Variants in NRXN1 observed in about 807,000 individuals in gnomAD.
NRXN1 encodes neurexin-1.
Under a neutral mutation model 150.9 loss-of-function variants are expected in NRXN1, and 39 were observed. The ratio of observed to expected loss-of-function variants is 0.26; its 90% CI spans 0.20 to 0.34. The LOEUF (loss-of-function observed/expected upper bound fraction) is 0.34. NRXN1 is among the 10% of genes least tolerant of loss of function. The pLI is 1.00. For synonymous variants in NRXN1, 924 were observed against 757.0 expected (o/e 1.22, Z -3.62); for missense variants, 1,815 against 1,949.9 (o/e 0.93, Z 1.30).
intron 18 of NRXN1, among the ~76,000 whole-genome samples, chr2:50,095,637 G>A (rs1700111684): frequency 6.6e-6 from 1 of 152,026 alleles, no homozygotes; most frequent in Non-Finnish European, 1.5e-5. Flanking sequence ...TCTGCAATAT[G>A]AAATGCAAAA....
chr2:50,680,427 G>A (rs1267785941), intron 5 of NRXN1, among the ~76,000 whole-genome samples: 2 of 152,012 alleles, frequency 1.3e-5, no homozygotes, highest in East Asian at 3.9e-4. Flanking sequence ...TAGCAAGCAA[G>A]CTTTTGCTTT....
At chr2:50,622,779 T>A (rs1680266313) in intron 6 of NRXN1, among the ~76,000 whole-genome samples, 1 of 152,134 alleles carries the variant, frequency 6.6e-6, no homozygotes, top group Non-Finnish European at 1.5e-5. Flanking sequence ...AATAAAAGTA[T>A]CTTCAAAAAC....
At chr2:50,540,917 C>T (rs1217801522) in intron 9 of NRXN1, among the ~76,000 whole-genome samples, 1 of 152,136 alleles carries the variant, frequency 6.6e-6, no homozygotes, top group Non-Finnish European at 1.5e-5. Context: ...CCACCTTGGC[C>T]TCCCAAAGTG....
At chr2:50,889,152 A>T (rs6738527) in intron 5 of NRXN1, among the ~76,000 whole-genome samples, 268 of 151,778 alleles carry the variant, frequency 1.8e-3, no homozygotes, top group African/African-American at 6.1e-3. Flanking sequence ...AAAGAATTTT[A>T]GCTTTGTAAA....
chr2:50,294,916 C>G (rs1574967931), intron 17 of NRXN1, among the ~76,000 whole-genome samples: 1 of 152,154 alleles, frequency 6.6e-6, no homozygotes, highest in Non-Finnish European at 1.5e-5. Context: ...GATGGAGGAA[C>G]AGACGAGACA....
chr2:50,705,139 A>G (rs529743137), intron 5 of NRXN1, among the ~76,000 whole-genome samples: 1 of 152,022 alleles, frequency 6.6e-6, no homozygotes, highest in African/African-American at 2.4e-5. Flanking sequence ...TGAATTAATA[A>G]TTATCTAGTT....
intron 5 of NRXN1, chr2:50,632,629 T>C (rs1033392372): frequency 2.0e-5 from 3 of 152,028 alleles, no homozygotes; most frequent in African/African-American, 7.2e-5. Flanking sequence ...TTGTTATGAA[T>C]GGATTCTTAT....
chr2:50,258,983 G>C (rs1387490951), intron 17 of NRXN1, among the ~76,000 whole-genome samples: 1 of 151,928 alleles, frequency 6.6e-6, no homozygotes, highest in Non-Finnish European at 1.5e-5. Context: ...TTCACTCTTT[G>C]CTGTTTCATT....
intron 8 of NRXN1, among the ~76,000 whole-genome samples, chr2:50,567,418 G>C (rs988861933): frequency 6.6e-6 from 1 of 152,086 alleles, no homozygotes; most frequent in Non-Finnish European, 1.5e-5. Context: ...GCCAGAACTT[G>C]GGTGAGGGGT....
rs1040530966 is a variant in NRXN1, at chr2:50,907,334, T to C, written c.832+14535A>G. On this transcript the variant is annotated intron_variant, in intron 5 of 22. Transcript: ENST00000401669. The stretch of plus-strand genomic sequence containing the variant: ...AGTATAAAAAGTACACAGTTTTCCC[T>C]GGGTATTTGGGTCTTCAACTCTGAA... Among the ~76,000 whole-genome samples, 6 of 152,068 alleles carry C rather than the reference T, an allele frequency of 3.9e-5. No homozygotes were observed. In the East Asian group the frequency reaches 9.7e-4, roughly 25 times the overall value.
chr2:50,111,569 G>T (rs566570302), intron 18 of NRXN1, among the ~76,000 whole-genome samples: 16 of 151,982 alleles, frequency 1.1e-4, no homozygotes, highest in Non-Finnish European at 1.9e-4. Context: ...AGCCTGTGAG[G>T]CAGAGGTTGC....
At chr2:50,309,739 G>A (rs891745065) in intron 17 of NRXN1, among the ~76,000 whole-genome samples, 16 of 152,068 alleles carry the variant, frequency 1.1e-4, no homozygotes, top group African/African-American at 3.6e-4. Flanking sequence ...CTTGCCAGCT[G>A]CCTCCTAGGA....
intron 18 of NRXN1, chr2:50,174,813 T>C (rs1168705325): frequency 6.6e-6 from 1 of 152,138 alleles, no homozygotes. Context: ...TGTCCAAATA[T>C]TTAAAAAGCC....
chr2:50,625,999 T>C (rs977177101), intron 5 of NRXN1, among the ~76,000 whole-genome samples: 6 of 152,098 alleles, frequency 3.9e-5, no homozygotes, highest in African/African-American at 1.2e-4. Context: ...TCAACATTTA[T>C]ATTCAATGCT....
chr2:50,762,864 G>C (rs73933054), intron 5 of NRXN1, among the ~76,000 whole-genome samples: 16 of 151,894 alleles, frequency 1.1e-4, no homozygotes, highest in African/African-American at 3.9e-4. Flanking sequence ...TCCTTTCCTA[G>C]CCCAGTTTTC....
At chr2:50,430,322 C>T (rs1308986590) in intron 17 of NRXN1, among the ~76,000 whole-genome samples, 2 of 148,978 alleles carry the variant, frequency 1.3e-5, no homozygotes, top group South Asian at 4.2e-4. Context: ...CTCAATGACT[C>T]CTGGGCAGGT....
intron 2 of NRXN1, among the ~76,000 whole-genome samples, chr2:51,004,709 A>AT (rs968300514): frequency 1.7e-4 from 26 of 151,864 alleles, no homozygotes; most frequent in Non-Finnish European, 3.5e-4. Context: ...TGATTCTGGT[A>AT]TTTTCCCTCT....
At chr2:50,493,395 T>A (rs562440684) in intron 15 of NRXN1, among the ~76,000 whole-genome samples, 1 of 151,688 alleles carries the variant, frequency 6.6e-6, no homozygotes, top group African/African-American at 2.4e-5. Context: ...CCCAGCTTGG[T>A]TTCAATGCCC....
chr2:50,329,578 AGT>A (rs55865684), intron 17 of NRXN1, among the ~76,000 whole-genome samples: 4,281 of 33,808 alleles, frequency 0.13, 568 homozygotes, highest in Non-Finnish European at 0.17. Flanking sequence ...ATATAACAGT[AGT>A]GTGTGTGTGT....
Sources: gnomAD v4.1 joint callset for allele counts (sites outside exome capture counted in the v4.1 genomes callset) on GRCh38, gnomAD v4.1.1 for gene constraint, MANE v1.5 for transcripts, NCBI Gene and HGNC (gene_info 2026-07-23, HGNC 2026-07-21) for gene names.